LRBA: variants seen among roughly 807,000 people sequenced by gnomAD.
LRBA encodes the protein LPS responsive beige-like anchor protein.
In LRBA, 176 loss-of-function variants were observed where a neutral mutation model predicts 330.0. The observed-to-expected ratio is 0.53, with a 90% CI of 0.47 to 0.60. The LOEUF is 0.60. LRBA is among the 20% of genes least tolerant of loss of function. The probability of loss-of-function intolerance (pLI) is 0.00; values close to 1 mark genes in which losing one functional copy is unlikely to be tolerated. For synonymous variants in LRBA, 1,230 were observed against 1,193.0 expected, an observed-to-expected ratio of 1.03 and a Z score of -0.64; for missense variants, 3,259 against 3,444.8, an observed-to-expected ratio of 0.95 and a Z score of 1.35.
At chr4:150,981,214 C>T (rs1488690606) in intron 2 of LRBA, among the ~76,000 whole-genome samples, 3 of 151,458 alleles carry the variant, frequency 2.0e-5, no homozygotes. Flanking sequence ...AAGTTCGAGA[C>T]CAGCCTGGCC....
chr4:150,285,921 C>CCACAG lies in LRBA; in HGVS notation c.8119+7_8119+11dup. On this transcript the variant is annotated intron_variant, in intron 54 of 56. Transcript: ENST00000651943. The stretch of plus-strand genomic sequence containing the variant: ...GAAATGCATCCATTTTGTGAAGGTA[C>CCACAG]CACAGGTTTACCTTGTGAACCACTC... 1 of 1,503,952 alleles carries CCACAG rather than the reference C, an allele frequency of 6.6e-7. No individual in the cohort carries two copies. The highest frequency in any genetic ancestry group is 2.5e-5 in the Admixed American group (1 of 40,528). 93.2% of individuals were successfully genotyped at this position (1,503,952 alleles called of 1,614,324 possible).
chr4:150,568,602 G>C (rs997243046), intron 40 of LRBA, among the ~76,000 whole-genome samples: 1 of 152,026 alleles, frequency 6.6e-6, no homozygotes, highest in Non-Finnish European at 1.5e-5. Flanking sequence ...AACTAACCAA[G>C]ATTATTTTAT....
At chr4:150,592,149 T>G (rs1036280792) in intron 38 of LRBA, among the ~76,000 whole-genome samples, 5 of 138,698 alleles carry the variant, frequency 3.6e-5, no homozygotes, top group East Asian at 2.1e-4. Flanking sequence ...CTAGGGTTTT[T>G]TTTTTTTTTT....
At chr4:150,920,487 T>G (rs1733133008) in intron 5 of LRBA, among the ~76,000 whole-genome samples, 1 of 152,092 alleles carries the variant, frequency 6.6e-6, no homozygotes, top group Admixed American at 6.5e-5. Flanking sequence ...AGGCAGAGGT[T>G]GCAGTGAGCC....
chr4:150,589,040 T>TAC (rs10637563), intron 39 of LRBA, among the ~76,000 whole-genome samples: 50,194 of 146,448 alleles, frequency 0.34, 8,540 homozygotes, highest in African/African-American at 0.42. Flanking sequence ...TGTGTGTGTA[T>TAC]ACACACACAC....
intron 37 of LRBA, among the ~76,000 whole-genome samples, chr4:150,622,688 CTTTT>C (rs10528461): frequency 1.9e-5 from 2 of 105,662 alleles, no homozygotes; most frequent in African/African-American, 8.3e-5. Context: ...CTAAATCAAT[CTTTT>C]TTTTTTTTTT....
At chr4:150,915,495 T>C (rs1411887495) in intron 8 of LRBA, 113 bp downstream of exon 8, 2 of 864,328 alleles carry the variant, frequency 2.3e-6, no homozygotes, top group Middle Eastern at 2.5e-4. Context: ...TTTATAAAAA[T>C]CTACCATTGT....
At chr4:150,416,901 C>G (rs1439746324) in intron 46 of LRBA, among the ~76,000 whole-genome samples, 1 of 152,038 alleles carries the variant, frequency 6.6e-6, no homozygotes, top group Non-Finnish European at 1.5e-5. Flanking sequence ...CTCACAACCA[C>G]TTTACAAGGT....
chr4:150,463,896 G>A (rs1474518494), intron 44 of LRBA, among the ~76,000 whole-genome samples: 1 of 151,800 alleles, frequency 6.6e-6, no homozygotes, highest in Non-Finnish European at 1.5e-5. Context: ...TAACAAAGAT[G>A]AGGGGCAGAG....
chr4:150,919,220 T>A (rs1487002400), intron 5 of LRBA, among the ~76,000 whole-genome samples: 1 of 151,852 alleles, frequency 6.6e-6, no homozygotes, highest in East Asian at 1.9e-4. Context: ...ATATGGGGAG[T>A]GGCTGCTAAT....
chr4:150,991,752 C>T (rs949297540), intron 2 of LRBA, among the ~76,000 whole-genome samples: 5 of 151,870 alleles, frequency 3.3e-5, no homozygotes, highest in Admixed American at 6.6e-5. Flanking sequence ...GTTATATGAC[C>T]GTATACATCA....
intron 48 of LRBA, among the ~76,000 whole-genome samples, chr4:150,335,799 C>T (rs1026918019): frequency 6.6e-6 from 1 of 152,082 alleles, no homozygotes; most frequent in Non-Finnish European, 1.5e-5. Flanking sequence ...TGGGTGCAAG[C>T]GATCCTCCCA....
intron 2 of LRBA, among the ~76,000 whole-genome samples, chr4:151,006,324 T>G (rs1378143928): frequency 6.6e-6 from 1 of 151,938 alleles, no homozygotes; most frequent in Non-Finnish European, 1.5e-5. Flanking sequence ...AGACTCCGTC[T>G]CAAAAAAATA....
At chr4:150,682,151 C>T (rs982578945) in intron 37 of LRBA, among the ~76,000 whole-genome samples, 2 of 152,210 alleles carry the variant, frequency 1.3e-5, no homozygotes, top group Non-Finnish European at 2.9e-5. Context: ...TGGGTTCCTA[C>T]TGTGTGTCAG....
At chr4:150,432,760 T>C (rs948356346) in intron 46 of LRBA, among the ~76,000 whole-genome samples, 2 of 152,058 alleles carry the variant, frequency 1.3e-5, no homozygotes, top group Non-Finnish European at 2.9e-5. Context: ...TTAAATATAC[T>C]TTCTAAGGTG....
In LRBA at chr4:150,867,788, C is replaced by T. The variant is rs188039743; in HGVS notation, c.2649G>A (p.Glu883=). The T allele has an allele frequency of 2.5e-6, 4 of 1,613,674 alleles. No homozygotes were observed. The highest frequency in any genetic ancestry group is 3.3e-5 in the Admixed American group (2 of 59,978). The part of the protein sequence containing the change: ...LCYFNPKNSD[E]QKITEMVYAI... ...CGTATACCATTTCTGTTATCTTTTGCTCATCTGAATTCTTAGGATTAAAAT... is the reference window on the plus strand; with the variant it reads ...CGTATACCATTTCTGTTATCTTTTGTTCATCTGAATTCTTAGGATTAAAAT... The change falls in exon 22 of 57, where the codon GAG becomes GAA. Residue 883 remains glutamate (E), a synonymous_variant. Coordinates refer to ENST00000651943, the MANE Select transcript of LRBA (RefSeq NM_001364905.1).
intron 4 of LRBA, among the ~76,000 whole-genome samples, chr4:150,921,844 C>T (rs933392472): frequency 6.6e-6 from 1 of 152,072 alleles, no homozygotes; most frequent in African/African-American, 2.4e-5. Flanking sequence ...TCCTGCCTCA[C>T]CCTCCCAAGT....
At chr4:150,282,376 G>T in intron 55 of LRBA, 74 bp downstream of exon 55, 1 of 1,371,792 alleles carries the variant, frequency 7.3e-7, no homozygotes, top group Non-Finnish European at 1.0e-6. Flanking sequence ...TTTCTTTCGC[G>T]AACCCTCTCC....
chr4:150,423,428 C>T (rs1484654993), intron 46 of LRBA: 3 of 616,084 alleles, frequency 4.9e-6, no homozygotes, highest in Admixed American at 2.5e-5. Flanking sequence ...TTTGTGGAGG[C>T]TCTGGCGGTG....
Sources: gnomAD v4.1 joint callset for allele counts (sites outside exome capture counted in the v4.1 genomes callset) on GRCh38, gnomAD v4.1.1 for gene constraint, MANE v1.5 for transcripts, NCBI Gene and HGNC (gene_info 2026-07-23, HGNC 2026-07-21) for gene names.